Variants in EPHB3 observed in about 807,000 individuals in gnomAD.
The protein encoded by EPHB3 is EPH receptor B3.
EPHB3 carries 33 observed loss-of-function variants against 100.2 expected under a neutral mutation model. That is an observed-to-expected ratio of 0.33 (90% CI 0.25 to 0.44). The LOEUF (loss-of-function observed/expected upper bound fraction) is 0.44. Among genes scored for constraint, EPHB3 ranks in the 20% least tolerant of loss-of-function variants. EPHB3 has a pLI of 1.00. For missense variants in EPHB3, 1,045 were observed against 1,378.3 expected (o/e 0.76, Z 3.83); for synonymous variants, 526 against 554.7 (o/e 0.95, Z 0.73).
Position 184,573,006 on chromosome 3 carries a change from C to T in EPHB3, c.686C>T (p.Ala229Val), listed in dbSNP as rs1457050797. The T allele has an allele frequency of 2.5e-6, 4 of 1,611,632 alleles. No individual in the cohort carries two copies. The highest frequency in any genetic ancestry group is 1.3e-5 in the African/African-American group (1 of 74,940). ...FALFPETLTG[A>V]EPTSLVIAPG... ...CTCTTCCCCGAGACCCTCACTGGGG[C>T]GGAGCCCACCTCGCTGGTCATTGCT... Residue 229 changes from alanine (A) to valine (V), a missense_variant, in exon 3 of 16, where the codon GCG becomes GTG. By Grantham distance (64) the Ala-to-Val change is moderately conservative. Around this residue, in one of 2 missense-constraint regions of EPHB3, gnomAD observed 985 missense variants for 1,331.1 expected, o/e 0.74. Coordinates refer to ENST00000330394, the MANE Select transcript of EPHB3 (RefSeq NM_004443.4). The surrounding 1 kb of genome is among the most constrained non-coding windows in gnomAD (Gnocchi z 4.5).
Position 184,578,131 on chromosome 3 carries a change from G to A in EPHB3, c.1748+125G>A. The A allele has an allele frequency of 8.9e-7, 1 of 1,123,736 alleles. No individual in the cohort carries two copies. Among genetic ancestry groups the A allele is most frequent in the Non-Finnish European group, 1.2e-6 (1 of 802,108 alleles). The allele number at this position is 1,123,736 out of a possible 1,614,324, so 69.6% of individuals were successfully genotyped here. On this transcript the variant is annotated intron_variant, in intron 8 of 15. Coordinates refer to ENST00000330394, the MANE Select transcript of EPHB3 (RefSeq NM_004443.4). This position sits in a 1 kb window ranked among gnomAD's most constrained non-coding sequence, Gnocchi z 4.7. Reference sequence around the variant, plus strand: ...AGACCCAGGGCCTTAGCCCTCCTGGGGCCAGCCGTTGCTGGAGAAGCCCTC... The same window carrying A: ...AGACCCAGGGCCTTAGCCCTCCTGGAGCCAGCCGTTGCTGGAGAAGCCCTC...
Position 184,563,080 on chromosome 3 carries a change from AG to A in EPHB3, c.118+729del, listed in dbSNP as rs1327811755. Among the ~76,000 whole-genome samples the A allele has an allele frequency of 1.3e-5, 2 of 152,196 alleles. No individual in the cohort carries two copies. The highest frequency in any genetic ancestry group is 2.4e-5 in the African/African-American group (1 of 41,444). ...GTGGGAAAAGGCCAGGCTTCTCAAT[AG>A]GTTCTGTGAAACCTGCCAAGACTGC... On this transcript the variant is annotated intron_variant, in intron 1 of 15. Coordinates refer to ENST00000330394, the MANE Select transcript of EPHB3 (RefSeq NM_004443.4). The surrounding 1 kb of genome is among the most constrained non-coding windows in gnomAD (Gnocchi z 4.1).
In EPHB3 at chr3:184,577,862, T is replaced by A; in HGVS notation, c.1640-36T>A. The A allele has an allele frequency of 6.2e-7, 1 of 1,609,286 alleles. No homozygotes were observed. The highest frequency in any genetic ancestry group is 8.5e-7 in the Non-Finnish European group (1 of 1,176,916). On this transcript the variant is annotated intron_variant, in intron 7 of 15. Transcript: ENST00000330394. The surrounding 1 kb of genome is among the most constrained non-coding windows in gnomAD (Gnocchi z 4.9). The stretch of plus-strand genomic sequence containing the variant: ...TGTCCCCATCGCGGCCCTCACTCTC[T>A]GTCCCTCCACTCAGCAGCCCCTTCT...
Position 184,579,994 on chromosome 3 carries a change from C to T in EPHB3, c.2172+60C>T, listed in dbSNP as rs972907159. The T allele has an allele frequency of 2.5e-6, 4 of 1,569,898 alleles. No individual in the cohort carries two copies. The African/African-American group carries it at 4.1e-5, about 16-fold the overall frequency. On this transcript the variant is annotated intron_variant, in intron 11 of 15. Transcript: ENST00000330394. This position sits in a 1 kb window ranked among gnomAD's most constrained non-coding sequence, Gnocchi z 5.2. The stretch of plus-strand genomic sequence containing the variant: ...AGAGAGTTGGATTGGGCTCACCATC[C>T]CCTCCCACAAGTCAGACAGCCCCTA...
At chr3:184,575,076 C>T (rs1352446970) in intron 3 of EPHB3, 3 of 916,892 alleles carry the variant, frequency 3.3e-6, no homozygotes, top group East Asian at 1.2e-4. Flanking sequence ...GCAAATGTTC[C>T]AGTGTGAAGA....
At chr3:184,576,491 G>T (rs1182297872) in intron 4 of EPHB3, among the ~76,000 whole-genome samples, 4 of 152,224 alleles carry the variant, frequency 2.6e-5, no homozygotes, top group African/African-American at 9.7e-5. Flanking sequence ...TACAGTCATT[G>T]TCCTAAAGGA....
Position 184,580,999 on chromosome 3 carries a change from C to G in EPHB3, c.2566C>G (p.Arg856Gly). 1 of 1,612,704 alleles carries G rather than the reference C, an allele frequency of 6.2e-7. No homozygotes were observed. The highest frequency in any genetic ancestry group is 8.5e-7 in the Non-Finnish European group (1 of 1,178,896). The change falls in exon 14 of 16, where the codon CGG becomes GGG. Residue 856 changes from arginine to glycine, a missense_variant. This residue lies in a region of EPHB3 where 985 missense variants were observed against 1,331.1 expected (regional missense o/e 0.74). Coordinates refer to ENST00000330394, the MANE Select transcript of EPHB3 (RefSeq NM_004443.4). ...DVINAVEQDY[R>G]LPPPMDCPTA... ...CATCAATGCCGTGGAGCAGGATTACCGGCTGCCACCACCCATGGACTGTCC... is the reference window on the plus strand; with the variant it reads ...CATCAATGCCGTGGAGCAGGATTACGGGCTGCCACCACCCATGGACTGTCC...
rs943052372 is a variant in EPHB3, at chr3:184,562,820, G to A, written c.118+467G>A. 1.3e-5 allele frequency among the ~76,000 whole-genome samples: 2 copies of A among 152,202 alleles called. No individual in the cohort carries two copies. Among genetic ancestry groups the A allele is most frequent in the Admixed American group, 1.3e-4 (2 of 15,286 alleles). On this transcript the variant is annotated intron_variant, in intron 1 of 15. Transcript: ENST00000330394. This position sits in a 1 kb window ranked among gnomAD's most constrained non-coding sequence, Gnocchi z 4.8. ...GAGTTAACTGTGAGAGTGTGAGTGC[G>A]AGCACCCCGATTTGTCAGGGGACCG...
intron 1 of EPHB3, among the ~76,000 whole-genome samples, chr3:184,567,430 C>G (rs917192740): frequency 6.6e-6 from 1 of 152,174 alleles, no homozygotes; most frequent in East Asian, 1.9e-4. Context: ...CCCAGTAACT[C>G]TTCCTCTACC....
Position 184,573,243 on chromosome 3 carries a change from G to GC in EPHB3, c.856+73dup, listed in dbSNP as rs1048647738. The GC allele has an allele frequency of 8.2e-6, 13 of 1,579,708 alleles. No homozygotes were observed. Among genetic ancestry groups the GC allele is most frequent in the Non-Finnish European group, 9.4e-6 (11 of 1,166,506 alleles). On this transcript the variant is annotated intron_variant, in intron 3 of 15. Transcript: ENST00000330394. This position sits in a 1 kb window ranked among gnomAD's most constrained non-coding sequence, Gnocchi z 4.5. ...CTGGGCCACAGCTACCTACCGCCCC[G>GC]CCCCCCACCCCTGCTTGCTATCTGA... is the stretch of plus-strand genomic sequence containing the variant.
At chr3:184,575,199 G>A (rs533883969) in intron 3 of EPHB3, 1 of 985,438 alleles carries the variant, frequency 1.0e-6, no homozygotes, top group East Asian at 1.1e-4. Flanking sequence ...CTTGCTCTGG[G>A]GTGAGTCCCC....
At chr3:184,568,725 C>T (rs1714459884) in intron 1 of EPHB3, among the ~76,000 whole-genome samples, 2 of 152,020 alleles carry the variant, frequency 1.3e-5, no homozygotes, top group South Asian at 2.1e-4. Flanking sequence ...CCCTGAGAAA[C>T]GGGGAAACCG....
rs1263311968 is a variant in EPHB3, at chr3:184,581,740, T to C, written c.*118T>C. On this transcript the variant is annotated 3_prime_UTR_variant, in exon 16 of 16. Coordinates refer to ENST00000330394, the MANE Select transcript of EPHB3 (RefSeq NM_004443.4). ...AGGCTGTGGCCCAGAAGCTGGAAGT[T>C]TGGGAAAGGCCCAAGCTGGGACTTC... 3.2e-5 allele frequency: 34 copies of C among 1,076,868 alleles called. No homozygotes were observed. The highest frequency in any genetic ancestry group is 3.8e-5 in the Non-Finnish European group (29 of 766,100). 66.7% of individuals were successfully genotyped at this position (1,076,868 alleles called of 1,614,324 possible).
chr3:184,571,433 C>T lies in EPHB3; in HGVS notation c.183+51C>T. 2 of 1,603,046 alleles carry T rather than the reference C, an allele frequency of 1.2e-6. No homozygotes were observed. The highest frequency in any genetic ancestry group is 1.7e-6 in the Non-Finnish European group (2 of 1,170,852). The stretch of plus-strand genomic sequence containing the variant: ...AGTGTTGTTTGCCATTAGGCCTCCC[C>T]CCACTTCCAGCCTCCGTGCCCCCTC... On this transcript the variant is annotated intron_variant, in intron 2 of 15. Transcript: ENST00000330394. This position sits in a 1 kb window ranked among gnomAD's most constrained non-coding sequence, Gnocchi z 5.0.
rs148594508 is a variant in EPHB3 at position 184,566,411 on chromosome 3, C to A, written c.118+4058C>A. Among the ~76,000 whole-genome samples, 6 of 152,362 alleles carry A rather than the reference C, an allele frequency of 3.9e-5. No individual in the cohort carries two copies. The East Asian group carries it at 9.6e-4, about 25-fold the overall frequency. ...TCTGTTCTGAGATGTTCCCCCCACC[C>A]CATCCCAGACATGGGGGCCAAGGGG... is the stretch of plus-strand genomic sequence containing the variant. On this transcript the variant is annotated intron_variant, in intron 1 of 15. Coordinates refer to ENST00000330394, the MANE Select transcript of EPHB3 (RefSeq NM_004443.4).
At position 184,562,372 on chromosome 3, in the gene EPHB3, C is replaced by T. The variant is rs1289726255; in HGVS notation, c.118+19C>T. 1.6e-6 allele frequency: 2 copies of T among 1,217,498 alleles called. No homozygotes were observed. Among genetic ancestry groups the T allele is most frequent in the South Asian group, 3.7e-5 (1 of 26,694 alleles). The allele number at this position is 1,217,498 out of a possible 1,614,324, so 75.4% of individuals were successfully genotyped here. ...CTGGAAGGTGAGCGGCGTCGGGGGG[C>T]GCGCCCGGGAACAAGGTGCCTGGGG... On this transcript the variant is annotated intron_variant, in intron 1 of 15. Transcript: ENST00000330394. The surrounding 1 kb of genome is among the most constrained non-coding windows in gnomAD (Gnocchi z 4.8).
In EPHB3 at chr3:184,581,558, A is replaced by G; in HGVS notation, c.2933A>G (p.Lys978Arg). The part of the protein sequence containing the change: ...IGVTLAGHQK[K>R]ILSSIQDMRL... Reference sequence around the variant, plus strand: ...GTCACCCTGGCCGGCCACCAGAAGAAGATCCTGAGCAGTATCCAGGACATG... The same window carrying G: ...GTCACCCTGGCCGGCCACCAGAAGAGGATCCTGAGCAGTATCCAGGACATG... Residue 978 changes from lysine (K) to arginine (R), a missense_variant, in exon 16 of 16, where the codon AAG becomes AGG. By Grantham distance (26) the Lys-to-Arg change is conservative. This residue lies in a region of EPHB3 where 985 missense variants were observed against 1,331.1 expected (regional missense o/e 0.74). Transcript: ENST00000330394. The G allele has an allele frequency of 1.2e-6, 2 of 1,613,952 alleles. No individual in the cohort carries two copies. Among genetic ancestry groups the G allele is most frequent in the Non-Finnish European group, 8.5e-7 (1 of 1,179,990 alleles).
In EPHB3 at chr3:184,576,980, G is replaced by C; in HGVS notation, c.1151G>C (p.Gly384Ala). Residue 384 changes from glycine to alanine, a missense_variant, in exon 5 of 16, where the codon GGA becomes GCA. Transcript: ENST00000330394. ...ATCTGCAAGAAGTGCCATGGGGCTGGAGGGGCCTCAGCCTGCTCACGCTGT... is the reference window on the plus strand; with the variant it reads ...ATCTGCAAGAAGTGCCATGGGGCTGCAGGGGCCTCAGCCTGCTCACGCTGT... Reference protein sequence around the residue: ...NVICKKCHGAGGASACSRCDD... With the variant: ...NVICKKCHGAAGASACSRCDD... 1 of 1,613,566 alleles carries C rather than the reference G, an allele frequency of 6.2e-7. No individual in the cohort carries two copies. The highest frequency in any genetic ancestry group is 8.5e-7 in the Non-Finnish European group (1 of 1,179,702).
intron 3 of EPHB3, 88 bp from the exon 4 acceptor site, chr3:184,575,742 G>A: frequency 6.8e-7 from 1 of 1,471,162 alleles, no homozygotes; most frequent in Non-Finnish European, 9.0e-7. Context: ...ACCTAGGCTG[G>A]GGAGAAGCCA....
Sources: gnomAD v4.1 joint callset for allele counts (sites outside exome capture counted in the v4.1 genomes callset) on GRCh38, gnomAD v4.1.1 for gene constraint, gnomAD v4.1.1 regional missense constraint, Gnocchi (gnomAD v3.1) non-coding constraint, MANE v1.5 for transcripts, NCBI Gene and HGNC (gene_info 2026-07-23, HGNC 2026-07-21) for gene names.